The following RERE variants were observed in gnomAD, a reference collection of about 807,000 sequenced individuals.
RERE encodes the protein arginine-glutamic acid dipeptide repeats protein.
In RERE, 40 loss-of-function variants were observed where a neutral mutation model predicts 146.1. That is an observed-to-expected ratio of 0.27 (90% CI 0.21 to 0.36). The LOEUF is 0.36. Ranked by LOEUF, RERE falls within the 10% of genes least tolerant of loss-of-function variation. The probability of loss-of-function intolerance (pLI) is 1.00; values close to 1 mark genes in which losing one functional copy is unlikely to be tolerated. For missense variants in RERE, 1,933 were observed against 2,138.7 expected (o/e 0.90, Z 1.90); for synonymous variants, 1,003 against 866.0 (o/e 1.16, Z -2.78).
At chr1:8,691,972 C>G (rs1212354736) in intron 1 of RERE, among the ~76,000 whole-genome samples, 1 of 152,160 alleles carries the variant, frequency 6.6e-6, no homozygotes, top group East Asian at 1.9e-4. Flanking sequence ...GCTCCAAGGA[C>G]AGGACCAAAT....
chr1:8,373,850 A>G (rs1642135491), intron 12 of RERE, among the ~76,000 whole-genome samples: 1 of 152,172 alleles, frequency 6.6e-6, no homozygotes, highest in South Asian at 2.1e-4. Flanking sequence ...AGGAGCAGCC[A>G]CCTTCTACAG....
chr1:8,540,901 A>G (rs1442121513), intron 7 of RERE, among the ~76,000 whole-genome samples: 3 of 152,180 alleles, frequency 2.0e-5, no homozygotes, highest in Non-Finnish European at 4.4e-5. Flanking sequence ...TAATCTACCA[A>G]TTCTTAATAC....
chr1:8,650,828 C>A (rs749706566), intron 2 of RERE, among the ~76,000 whole-genome samples: 1 of 151,472 alleles, frequency 6.6e-6, no homozygotes, highest in Non-Finnish European at 1.5e-5. Flanking sequence ...ACCCAGGAGG[C>A]GGAGGTTGCA....
At chr1:8,475,305 C>T (rs143750828) in intron 10 of RERE, among the ~76,000 whole-genome samples, 2,206 of 150,560 alleles carry the variant, frequency 0.015, 39 homozygotes, top group Non-Finnish European at 0.023. Flanking sequence ...ACCTGGGAGG[C>T]GGAGGTTGCA....
chr1:8,503,524 T>A (rs1481427539), intron 8 of RERE, among the ~76,000 whole-genome samples: 1 of 124,414 alleles, frequency 8.0e-6, no homozygotes, highest in Non-Finnish European at 2.0e-5. Flanking sequence ...CATTCATACA[T>A]GGAGTTCTAT....
At chr1:8,772,306 A>T (rs991462486) in intron 1 of RERE, among the ~76,000 whole-genome samples, 2 of 152,062 alleles carry the variant, frequency 1.3e-5, no homozygotes, top group Non-Finnish European at 2.9e-5. Context: ...TTTGTTCCTG[A>T]TATATAAATT....
chr1:8,580,802 T>A (rs2124052357), intron 4 of RERE, among the ~76,000 whole-genome samples: 1 of 149,602 alleles, frequency 6.7e-6, no homozygotes, highest in Middle Eastern at 3.4e-3. Context: ...AAGCTCCACC[T>A]CCCAGGCTCA....
At chr1:8,678,788 T>C (rs189629093) in intron 1 of RERE, among the ~76,000 whole-genome samples, 1 of 152,286 alleles carries the variant, frequency 6.6e-6, no homozygotes, top group African/African-American at 2.4e-5. Context: ...TCCAACTTTC[T>C]CTAAAGAAAA....
At chr1:8,673,982 A>T (rs560560298) in intron 1 of RERE, among the ~76,000 whole-genome samples, 7 of 152,312 alleles carry the variant, frequency 4.6e-5, no homozygotes, top group Non-Finnish European at 7.4e-5. Flanking sequence ...ACAGTGAGCC[A>T]TAATTGCACC....
At chr1:8,640,703 G>C (rs1287337983) in intron 2 of RERE, among the ~76,000 whole-genome samples, 1 of 152,150 alleles carries the variant, frequency 6.6e-6, no homozygotes, top group Non-Finnish European at 1.5e-5. Flanking sequence ...CATTATGTAT[G>C]AATTCAATGG....
chr1:8,463,575 A>G (rs1644553659), intron 11 of RERE, among the ~76,000 whole-genome samples: 1 of 152,220 alleles, frequency 6.6e-6, no homozygotes. Flanking sequence ...TCTCTTCAGC[A>G]GGAAGAGAGG....
At chr1:8,603,615 A>G (rs1448073304) in intron 4 of RERE, among the ~76,000 whole-genome samples, 3 of 152,216 alleles carry the variant, frequency 2.0e-5, no homozygotes, top group African/African-American at 7.2e-5. Context: ...GGATATAAGC[A>G]CACAAATTAT....
chr1:8,365,919 G>T lies in RERE; in HGVS notation c.1340C>A (p.Ser447Tyr). The T allele has an allele frequency of 6.2e-7, 1 of 1,614,148 alleles. No homozygotes were observed. The highest frequency in any genetic ancestry group is 8.5e-7 in the Non-Finnish European group (1 of 1,180,034). Residue 447 changes from serine to tyrosine, a missense_variant, in exon 13 of 23, where the codon TCC becomes TAC. Physicochemically the swap from Ser to Tyr is moderately radical, Grantham distance 144. This residue lies in a region of RERE where 260 missense variants were observed against 378.4 expected (regional missense o/e 0.69). Transcript: ENST00000400908. ...CCTGCGGTGCCTACGATGGGCTCGG[G>T]AGCTGGCTGCTTCGGGGGTCTTCTT... is the stretch of plus-strand genomic sequence containing the variant. ...YWKKTPEAAS[S>Y]RAHRRHRRQA...
intron 4 of RERE, among the ~76,000 whole-genome samples, chr1:8,592,743 G>C (rs1646510585): frequency 6.6e-6 from 1 of 152,060 alleles, no homozygotes; most frequent in Non-Finnish European, 1.5e-5. Context: ...TTTGCGCAGA[G>C]TTCTACTTTT....
intron 2 of RERE, among the ~76,000 whole-genome samples, chr1:8,652,437 T>C (rs992424088): frequency 7.9e-5 from 12 of 152,224 alleles, no homozygotes; most frequent in African/African-American, 2.7e-4. Flanking sequence ...GCAATCTCCC[T>C]TCACATATTC....
At chr1:8,788,393 T>C (rs1476595084) in intron 1 of RERE, among the ~76,000 whole-genome samples, 1 of 149,656 alleles carries the variant, frequency 6.7e-6, no homozygotes, top group Non-Finnish European at 1.5e-5. Context: ...AGACGGAGTC[T>C]TCCTCTTGTT....
At chr1:8,590,519 G>A (rs1465241091) in intron 4 of RERE, among the ~76,000 whole-genome samples, 2 of 152,194 alleles carry the variant, frequency 1.3e-5, no homozygotes, top group African/African-American at 4.8e-5. Context: ...CTGAAGGCCA[G>A]AGATGCCCTG....
chr1:8,400,549 GC>G (rs1249955849), intron 12 of RERE, among the ~76,000 whole-genome samples: 1 of 151,972 alleles, frequency 6.6e-6, no homozygotes, highest in African/African-American at 2.4e-5. Flanking sequence ...ACCTCACCTG[GC>G]CATATATTTA....
chr1:8,404,158 G>A (rs778069277), intron 12 of RERE, among the ~76,000 whole-genome samples: 27 of 152,148 alleles, frequency 1.8e-4, no homozygotes, highest in South Asian at 4.2e-4. Context: ...GGCCGGGTGC[G>A]GTGGCTCACG....
Sources: gnomAD v4.1 joint callset for allele counts (sites outside exome capture counted in the v4.1 genomes callset) on GRCh38, gnomAD v4.1.1 for gene constraint, gnomAD v4.1.1 regional missense constraint, MANE v1.5 for transcripts, NCBI Gene and HGNC (gene_info 2026-07-23, HGNC 2026-07-21) for gene names.